HEPH: variants seen among roughly 807,000 people sequenced by gnomAD.
HEPH encodes the protein hephaestin.
HEPH carries 69 observed loss-of-function variants against 80.8 expected under a neutral mutation model. The ratio of observed to expected loss-of-function variants is 0.85; its 90% CI spans 0.70 to 1.04. HEPH has a LOEUF of 1.04. HEPH is among the 50% of genes least tolerant of loss of function. HEPH has a pLI of 0.00. For missense variants in HEPH, 1,115 were observed against 891.3 expected (o/e 1.25, Z -3.20); for synonymous variants, 431 against 322.8 (o/e 1.34, Z -3.60).
intron 20 of HEPH, among the ~76,000 whole-genome samples, chrX:66,265,710 C>G (rs2091517782): frequency 9.0e-6 from 1 of 111,687 alleles, no homozygotes; most frequent in South Asian, 3.8e-4. Flanking sequence ...AAGGGATTAG[C>G]ATGAGCAAAG....
intron 15 of HEPH, among the ~76,000 whole-genome samples, chrX:66,238,293 C>T (rs776308763): frequency 9.0e-6 from 1 of 111,070 alleles, no homozygotes; most frequent in Admixed American, 9.6e-5. Flanking sequence ...TTCAGGAGCT[C>T]TTGTAAGGCA....
At chrX:66,260,389 G>A (rs910503452) in intron 19 of HEPH, 127 bp downstream of exon 19, 1 of 493,349 alleles carries the variant, frequency 2.0e-6, no homozygotes, top group Non-Finnish European at 3.3e-6. Context: ...TTAAGGCAGA[G>A]CATAGCCTCC....
chrX:66,232,682 T>C (rs1009896078), intron 15 of HEPH, among the ~76,000 whole-genome samples: 3 of 110,875 alleles, frequency 2.7e-5, no homozygotes, highest in Non-Finnish European at 5.7e-5. Flanking sequence ...TACACCCACC[T>C]TAATGATAAG....
intron 19 of HEPH, among the ~76,000 whole-genome samples, chrX:66,262,359 G>T (rs1482024611): frequency 1.8e-5 from 2 of 111,736 alleles, no homozygotes; most frequent in African/African-American, 6.5e-5. Flanking sequence ...TGACCAGGGG[G>T]TTTGACAGAC....
chrX:66,228,994 A>G (rs2090008793), intron 15 of HEPH, among the ~76,000 whole-genome samples: 1 of 112,793 alleles, frequency 8.9e-6, no homozygotes, highest in Admixed American at 9.4e-5. Flanking sequence ...AACTAGAAGT[A>G]GAACTACCAT....
intron 15 of HEPH, among the ~76,000 whole-genome samples, chrX:66,244,662 A>G (rs2090733461): frequency 9.0e-6 from 1 of 111,324 alleles, no homozygotes; most frequent in Non-Finnish European, 1.9e-5. Context: ...CATTTTACCC[A>G]TTTCAGCCTG....
chrX:66,180,530 G>A (rs1459215571), intron 4 of HEPH, among the ~76,000 whole-genome samples: 6 of 109,768 alleles, frequency 5.5e-5, no homozygotes, highest in Non-Finnish European at 9.5e-5. Context: ...TTGTCTCACA[G>A]CTCTTAAGAT....
chrX:66,220,030 T>C (rs1220511944), intron 15 of HEPH, among the ~76,000 whole-genome samples: 4 of 111,581 alleles, frequency 3.6e-5, no homozygotes, highest in African/African-American at 1.3e-4. Context: ...AAAGGTGAAG[T>C]CCTTTCCGAC....
chrX:66,234,768 C>T (rs936679967), intron 15 of HEPH, among the ~76,000 whole-genome samples: 3 of 110,667 alleles, frequency 2.7e-5, no homozygotes, highest in Admixed American at 9.7e-5. Context: ...TTGCGGGTAG[C>T]TGGGATTGCA....
In HEPH at chrX:66,197,269, T is replaced by C. The variant is rs1033575344; in HGVS notation, c.1502-414T>C. 2.7e-5 allele frequency among the ~76,000 whole-genome samples: 3 copies of C among 110,364 alleles called. No individual in the cohort carries two copies. The Admixed American group carries it at 2.9e-4, about 11-fold the overall frequency. On this transcript the variant is annotated intron_variant, in intron 9 of 20. Coordinates refer to ENST00000343002, the MANE Select transcript of HEPH (RefSeq NM_001367233.3). Reference sequence around the variant, plus strand: ...ATATTAAAAGAAAAAAATTAAATAATCAGAGCTGTTCAAAGATGACATGGA... The same window carrying C: ...ATATTAAAAGAAAAAAATTAAATAACCAGAGCTGTTCAAAGATGACATGGA...
chrX:66,207,370 GC>G (rs1192411627), intron 14 of HEPH, 36 bp downstream of exon 14: 7 of 1,086,548 alleles, frequency 6.4e-6, no homozygotes, highest in Non-Finnish European at 8.6e-6. Flanking sequence ...GTGTTTAGCA[GC>G]CTGAACTCCA....
At chrX:66,186,404 G>C (rs2087439480) in intron 4 of HEPH, among the ~76,000 whole-genome samples, 1 of 111,752 alleles carries the variant, frequency 8.9e-6, no homozygotes, top group South Asian at 3.7e-4. Flanking sequence ...ATAGTCTCGT[G>C]GTGCGCGGTT....
intron 4 of HEPH, among the ~76,000 whole-genome samples, chrX:66,180,151 T>C (rs1261555649): frequency 9.0e-6 from 1 of 111,336 alleles, no homozygotes; most frequent in African/African-American, 3.3e-5. Flanking sequence ...GTTTTTTTTT[T>C]ATTTTTTTGT....
At chrX:66,267,619 A>G (rs1056739392), downstream of HEPH, 5 of 111,631 alleles carry the variant, frequency 4.5e-5, no homozygotes, top group Non-Finnish European at 7.5e-5. Context: ...CTGAGTGTCA[A>G]GAAAATTTGC....
intron 12 of HEPH, among the ~76,000 whole-genome samples, chrX:66,201,178 CCTCT>C (rs1209844625): frequency 9.1e-6 from 1 of 109,540 alleles, no homozygotes; most frequent in Non-Finnish European, 1.9e-5. Context: ...CTGATCTCTC[CCTCT>C]CTCTTTCTCT....
At chrX:66,180,186 G>T (rs1241417399) in intron 4 of HEPH, among the ~76,000 whole-genome samples, 1 of 108,067 alleles carries the variant, frequency 9.3e-6, no homozygotes, top group Non-Finnish European at 1.9e-5. Flanking sequence ...TTTTATTTTT[G>T]TTTCATAGAT....
chrX:66,201,878 C>A (rs1303825948), intron 12 of HEPH, among the ~76,000 whole-genome samples: 2 of 111,866 alleles, frequency 1.8e-5, no homozygotes, highest in Non-Finnish European at 3.8e-5. Context: ...GAAGGAATTG[C>A]TGATAGGATT....
intron 12 of HEPH, among the ~76,000 whole-genome samples, chrX:66,202,934 T>C (rs2088541609): frequency 9.8e-6 from 1 of 102,083 alleles, no homozygotes; most frequent in Non-Finnish European, 2.0e-5. Context: ...TATATATATA[T>C]ATATACACAC....
chrX:66,169,653 T>C (rs2086504320), intron 1 of HEPH, among the ~76,000 whole-genome samples: 1 of 112,489 alleles, frequency 8.9e-6, no homozygotes, highest in Non-Finnish European at 1.9e-5. Flanking sequence ...TTTTGGTTCA[T>C]TGTTAACTTT....
Sources: allele counts gnomAD v4.1 joint callset (sites outside exome capture counted in the v4.1 genomes callset), GRCh38; gene constraint gnomAD v4.1.1; transcripts MANE v1.5; gene names NCBI Gene and HGNC (gene_info 2026-07-23, HGNC 2026-07-21).